ERMP1: variants seen among roughly 807,000 people sequenced by gnomAD.
The protein encoded by ERMP1 is Felix-ina.
In ERMP1, 86 loss-of-function variants were observed where a neutral mutation model predicts 92.0. The ratio of observed to expected loss-of-function variants is 0.93; its 90% CI spans 0.79 to 1.12. The LOEUF is 1.12. Ranked by LOEUF, ERMP1 falls within the 50% of genes most tolerant of loss-of-function variation. ERMP1 has a pLI of 0.00. For missense variants in ERMP1, 1,342 were observed against 1,116.3 expected (o/e 1.20, Z -2.88); for synonymous variants, 530 against 412.8 (o/e 1.28, Z -3.44).
At position 5,798,673 on chromosome 9, in the gene ERMP1, T is replaced by C. The variant is rs2131214566; in HGVS notation, c.2270+133A>G. On this transcript the variant is annotated intron_variant, in intron 12 of 14. Transcript: ENST00000339450. ...CACTAAAAAAAAAAAAAAAGTTTCATAATGATAGAAAAAATAGTACAAACA... is the reference window on the plus strand; with the variant it reads ...CACTAAAAAAAAAAAAAAAGTTTCACAATGATAGAAAAAATAGTACAAACA... 1.3e-5 allele frequency: 7 copies of C among 559,840 alleles called. No individual in the cohort carries two copies. In the East Asian group the frequency reaches 1.9e-4, roughly 15 times the overall value. 34.7% of individuals were successfully genotyped at this position (559,840 alleles called of 1,614,324 possible).
chr9:5,805,258 T>C, intron 9 of ERMP1, 41 bp from the exon 10 acceptor site: 1 of 1,465,078 alleles, frequency 6.8e-7, no homozygotes, highest in Non-Finnish European at 9.3e-7. Context: ...TATGAAATCC[T>C]CCAGTGAGAT....
intron 5 of ERMP1, among the ~76,000 whole-genome samples, chr9:5,861,203 G>GTGTGTGTGTGTA (rs1830484804): frequency 6.9e-6 from 1 of 145,840 alleles, no homozygotes; most frequent in African/African-American, 2.5e-5. Context: ...GTGTGTGTGT[G>GTGTGTGTGTGTA]TGTGTGTGTG....
intron 13 of ERMP1, among the ~76,000 whole-genome samples, chr9:5,789,343 G>A (rs1274777231): frequency 6.6e-6 from 1 of 151,880 alleles, no homozygotes; most frequent in Non-Finnish European, 1.5e-5. Context: ...TATAAAACAA[G>A]GCAACAATGG....
Position 5,840,547 on chromosome 9 carries a change from A to G in ERMP1, n.3200-7235T>C, listed in dbSNP as rs576864961. Among the ~76,000 whole-genome samples the G allele has an allele frequency of 7.9e-5, 12 of 152,320 alleles. No individual in the cohort carries two copies. In the South Asian group the frequency reaches 2.3e-3, roughly 29 times the overall value. On this transcript the variant is annotated intron_variant and non_coding_transcript_variant, in intron 6 of 6. Transcript: ENST00000690753. ...CTGCCCCTCCCCGGCCCCCAGGGCC[A>G]GAAAGACTGCATAGCACCTTGCCAC...
intron 5 of ERMP1, among the ~76,000 whole-genome samples, chr9:5,864,176 A>C (rs1830582291): frequency 6.6e-6 from 1 of 152,242 alleles, no homozygotes; most frequent in Non-Finnish European, 1.5e-5. Flanking sequence ...TTTACATTTC[A>C]TTGATCAATG....
chr9:5,826,606 T>C (rs1301694501), intron 2 of ERMP1, among the ~76,000 whole-genome samples: 1 of 152,198 alleles, frequency 6.6e-6, no homozygotes, highest in East Asian at 1.9e-4. Flanking sequence ...AATTACCTAT[T>C]AACCATACTT....
intron 6 of ERMP1, among the ~76,000 whole-genome samples, chr9:5,851,139 C>T (rs983306067): frequency 6.6e-6 from 1 of 152,160 alleles, no homozygotes; most frequent in Admixed American, 6.5e-5. Context: ...GCAAAGCCTC[C>T]AAGATGTTTC....
At chr9:5,831,857 CT>C (rs1357503047) in intron 1 of ERMP1, among the ~76,000 whole-genome samples, 1 of 152,142 alleles carries the variant, frequency 6.6e-6, no homozygotes, top group Non-Finnish European at 1.5e-5. Context: ...GAAAACAAAA[CT>C]GTTTTTGTCT....
chr9:5,828,074 T>C (rs193078935), intron 2 of ERMP1, among the ~76,000 whole-genome samples: 1 of 152,166 alleles, frequency 6.6e-6, no homozygotes, highest in Non-Finnish European at 1.5e-5. Flanking sequence ...GAGGATGAGG[T>C]AGAATAATCA....
chr9:5,848,583 C>T (rs1232472966), intron 6 of ERMP1, among the ~76,000 whole-genome samples: 2 of 151,724 alleles, frequency 1.3e-5, no homozygotes, highest in East Asian at 3.9e-4. Flanking sequence ...AATTCATTTA[C>T]AGGTCATGGC....
chr9:5,850,636 G>C (rs1274118614), intron 6 of ERMP1, among the ~76,000 whole-genome samples: 2 of 152,094 alleles, frequency 1.3e-5, no homozygotes, highest in East Asian at 1.9e-4. Context: ...TGAAGCATCA[G>C]AAAAACCCAA....
At chr9:5,831,294 C>G (rs186628629) in intron 1 of ERMP1, among the ~76,000 whole-genome samples, 2 of 152,288 alleles carry the variant, frequency 1.3e-5, no homozygotes, top group African/African-American at 4.8e-5. Flanking sequence ...AATACAAGGA[C>G]TAGGGATGTA....
At chr9:5,830,696 A>G (rs778776500) in intron 2 of ERMP1, 31 bp downstream of exon 2, 4 of 1,554,994 alleles carry the variant, frequency 2.6e-6, no homozygotes, top group Non-Finnish European at 3.5e-6. Context: ...GGCTGTGACA[A>G]GTTCCAAATG....
In ERMP1 at chr9:5,785,903, G is replaced by A. The variant is rs1827916576; in HGVS notation, c.*1241C>T. 2.6e-5 allele frequency: 4 copies of A among 152,198 alleles called. No individual in the cohort carries two copies. The South Asian group carries it at 8.3e-4, about 32-fold the overall frequency. 9.4% of individuals were successfully genotyped at this position (152,198 alleles called of 1,614,324 possible). On this transcript the variant is annotated 3_prime_UTR_variant, in exon 15 of 15. Transcript: ENST00000339450. ...ACAGTTTACCATTGATCTCACCAAT[G>A]CCCTCACTGCTGGAACCAAAAAGCC...
chr9:5,806,180 T>TA, intron 8 of ERMP1, among the ~76,000 whole-genome samples: 1 of 152,194 alleles, frequency 6.6e-6, no homozygotes, highest in Non-Finnish European at 1.5e-5. Flanking sequence ...GAAGGAACGT[T>TA]AGGAACTGCT....
chr9:5,830,609 A>C, intron 2 of ERMP1, 118 bp downstream of exon 2: 1 of 694,012 alleles, frequency 1.4e-6, no homozygotes, highest in Non-Finnish European at 2.4e-6. Flanking sequence ...TTTCCATCAC[A>C]AAGAAAAAAG....
chr9:5,838,910 T>G (rs528402610), intron 6 of ERMP1, among the ~76,000 whole-genome samples: 2 of 152,250 alleles, frequency 1.3e-5, no homozygotes, highest in South Asian at 4.1e-4. Context: ...TCTGGGTGAT[T>G]TTCCCCCTCT....
chr9:5,823,918 C>A lies in ERMP1; in HGVS notation c.852G>T (p.Gly284=), dbSNP rs1829638268. Residue 284 remains glycine, a synonymous_variant, in exon 4 of 15, where the codon GGG becomes GGT. Coordinates refer to ENST00000339450, the MANE Select transcript of ERMP1 (RefSeq NM_024896.3). ...FINLEAAGVG[G]KELVFQTGPE... is the part of the protein sequence containing the mutation. ...TACCTGTTTGGAATACAAGTTCTTT[C>A]CCTCCTACACCTGCTGCCTCTAGGT... The A allele has an allele frequency of 1.2e-6, 2 of 1,613,198 alleles. No homozygotes were observed. The highest frequency in any genetic ancestry group is 1.7e-5 in the Admixed American group (1 of 59,974).
chr9:5,835,352 G>GCGCGCA (rs376354497), upstream of ERMP1, among the ~76,000 whole-genome samples: 3,532 of 151,804 alleles, frequency 0.023, 81 homozygotes, highest in Middle Eastern at 0.11. Flanking sequence ...GACAATGAAC[G>GCGCGCA]CGCGCGCGCA....
Sources: allele counts gnomAD v4.1 joint callset (sites outside exome capture counted in the v4.1 genomes callset), GRCh38; gene constraint gnomAD v4.1.1; transcripts MANE v1.5; gene names NCBI Gene and HGNC (gene_info 2026-07-23, HGNC 2026-07-21).